CACNA1C: variants seen among roughly 807,000 people sequenced by gnomAD.
CACNA1C encodes voltage-dependent L-type calcium channel subunit alpha-1C.
CACNA1C carries 30 observed loss-of-function variants against 229.0 expected under a neutral mutation model. That is an observed-to-expected ratio of 0.13 (90% confidence interval 0.10 to 0.18). The LOEUF is 0.18. CACNA1C is among the 10% of genes least tolerant of loss of function. The pLI is 1.00. For synonymous variants in CACNA1C, 1,114 were observed against 1,132.5 expected (o/e 0.98, Z 0.33); for missense variants, 1,658 against 2,845.0 (o/e 0.58, Z 9.49).
At chr12:2,173,955 T>G (rs2096570042) in intron 3 of CACNA1C, among the ~76,000 whole-genome samples, 1 of 152,122 alleles carries the variant, frequency 6.6e-6, no homozygotes, top group African/African-American at 2.4e-5. Context: ...TTTAAGGGCC[T>G]GGAATTTAAG....
chr12:2,640,411 C>T (rs955101663), intron 30 of CACNA1C, among the ~76,000 whole-genome samples: 2 of 152,190 alleles, frequency 1.3e-5, no homozygotes, highest in African/African-American at 2.4e-5. Flanking sequence ...TTCTCTGTGT[C>T]GGTTGATGCT....
intron 1 of CACNA1C, among the ~76,000 whole-genome samples, chr12:2,019,248 G>A (rs1195032434): frequency 1.3e-5 from 2 of 152,028 alleles, no homozygotes; most frequent in African/African-American, 4.8e-5. Context: ...GATCATTTGA[G>A]CCCAGAAGTT....
intron 1 of CACNA1C, among the ~76,000 whole-genome samples, chr12:1,995,412 T>G (rs2040563373): frequency 6.6e-6 from 1 of 152,258 alleles, no homozygotes; most frequent in Non-Finnish European, 1.5e-5. Flanking sequence ...GTGCTCATAC[T>G]CTACCCAATA....
intron 9 of CACNA1C, among the ~76,000 whole-genome samples, chr12:2,540,412 C>G (rs1048576243): frequency 2.0e-5 from 3 of 152,152 alleles, no homozygotes; most frequent in African/African-American, 7.2e-5. Context: ...GTCCTGGGAG[C>G]TGCCACAGAT....
In CACNA1C at chr12:2,053,272, C is replaced by G; in HGVS notation, c.-291C>G. The G allele has an allele frequency of 9.0e-7, 1 of 1,114,688 alleles. No individual in the cohort carries two copies. The highest frequency in any genetic ancestry group is 1.6e-5 in the African/African-American group (1 of 61,236). 69.0% of individuals were successfully genotyped at this position (1,114,688 alleles called of 1,614,324 possible). A position where few individuals can be genotyped will look rare whatever the true frequency, so the allele number is the denominator to read the frequency against. On this transcript the variant is annotated 5_prime_UTR_variant, in exon 1 of 47. Coordinates refer to ENST00000399655, the MANE Select transcript of CACNA1C (RefSeq NM_000719.7). This position sits in a 1 kb window ranked among gnomAD's most constrained non-coding sequence, Gnocchi z 5.8. The stretch of plus-strand genomic sequence containing the variant: ...GATTTATTTTTTCAAATGGTGTAGC[C>G]GCCGGAGGTGCGGTGCTCAGTTCTT...
chr12:2,070,771 A>G (rs993088595), intron 1 of CACNA1C, among the ~76,000 whole-genome samples: 7 of 152,182 alleles, frequency 4.6e-5, no homozygotes, highest in African/African-American at 1.4e-4. Context: ...TTCAACTTGA[A>G]GATTCGTATC....
intron 3 of CACNA1C, among the ~76,000 whole-genome samples, chr12:2,128,530 C>A (rs1030278789): frequency 3.3e-5 from 5 of 152,134 alleles, no homozygotes; most frequent in African/African-American, 1.2e-4. Context: ...CCCGTCTCAG[C>A]CTCCCGAGTA....
intron 3 of CACNA1C, among the ~76,000 whole-genome samples, chr12:2,260,943 G>C (rs1046383790): frequency 1.3e-5 from 2 of 152,020 alleles, no homozygotes; most frequent in Non-Finnish European, 2.9e-5. Context: ...TTAAAAAACC[G>C]ATTGTGGCCA....
chr12:2,629,453 C>G (rs750696571), intron 29 of CACNA1C, among the ~76,000 whole-genome samples: 8 of 152,210 alleles, frequency 5.3e-5, no homozygotes, highest in Non-Finnish European at 7.3e-5. Flanking sequence ...AATAAAAGAT[C>G]AGGACACATG....
rs150153039 is a variant in CACNA1C at position 2,486,986 on chromosome 12, T to C, written c.916+724T>C. Among the ~76,000 whole-genome samples, 58 of 152,310 alleles carry C rather than the reference T, an allele frequency of 3.8e-4. No homozygotes were observed. The East Asian group carries it at 8.9e-3, about 23-fold the overall frequency. On this transcript the variant is annotated intron_variant, in intron 6 of 46. Coordinates refer to ENST00000399655, the MANE Select transcript of CACNA1C (RefSeq NM_000719.7). The surrounding 1 kb of genome is among the most constrained non-coding windows in gnomAD (Gnocchi z 4.9). Reference sequence around the variant, plus strand: ...ACAGCAATGCTGGCTCATTAGGCGCTTCCCTGCGTGGCACTGGAGTTTTGG... The same window carrying C: ...ACAGCAATGCTGGCTCATTAGGCGCCTCCCTGCGTGGCACTGGAGTTTTGG...
At chr12:2,559,524 C>T (rs545634673) in intron 11 of CACNA1C, among the ~76,000 whole-genome samples, 1 of 152,370 alleles carries the variant, frequency 6.6e-6, no homozygotes, top group South Asian at 2.1e-4. Flanking sequence ...TCTGGGAAGG[C>T]CTTCTCCTTC....
intron 38 of CACNA1C, among the ~76,000 whole-genome samples, chr12:2,669,927 G>T (rs1390211052): frequency 6.6e-6 from 1 of 152,160 alleles, no homozygotes; most frequent in Non-Finnish European, 1.5e-5. Flanking sequence ...ATAAGAGTTT[G>T]CGAACCACTA....
chr12:2,442,506 A>G (rs933172055), intron 3 of CACNA1C, among the ~76,000 whole-genome samples: 15 of 152,250 alleles, frequency 9.9e-5, no homozygotes, highest in Non-Finnish European at 1.3e-4. Flanking sequence ...GGGCAAGGTC[A>G]TCAGCCTGCC....
At chr12:2,459,169 GTTTTTT>G (rs59909090) in intron 5 of CACNA1C, among the ~76,000 whole-genome samples, 9 of 109,416 alleles carry the variant, frequency 8.2e-5, no homozygotes, top group Admixed American at 3.9e-4. Context: ...TTTTGTGTGT[GTTTTTT>G]TTTTTTTTTT....
At chr12:2,104,714 T>C (rs1314838136) in intron 1 of CACNA1C, among the ~76,000 whole-genome samples, 1 of 152,202 alleles carries the variant, frequency 6.6e-6, no homozygotes, top group Admixed American at 6.5e-5. Context: ...ACTAAAAAAG[T>C]TGAAATGCTG....
chr12:2,515,385 C>G lies in CACNA1C; in HGVS notation c.1390+2401C>G, dbSNP rs115006336. 2.6e-3 allele frequency among the ~76,000 whole-genome samples: 394 copies of G among 152,284 alleles called. 5 individuals are homozygous for G. Among genetic ancestry groups the G allele is most frequent in the African/African-American group, 9.0e-3 (372 of 41,544 alleles). The stretch of plus-strand genomic sequence containing the variant: ...AAAAGGTAAGACAGTGGCTCAGAAA[C>G]TATCTTCCTGTCTTGAGAATTTCAT... On this transcript the variant is annotated intron_variant, in intron 9 of 46. Coordinates refer to ENST00000399655, the MANE Select transcript of CACNA1C (RefSeq NM_000719.7).
chr12:1,999,958 ACTTAT>A (rs1182403289), intron 1 of CACNA1C, among the ~76,000 whole-genome samples: 4 of 152,188 alleles, frequency 2.6e-5, no homozygotes, highest in Admixed American at 6.5e-5. Flanking sequence ...CAGAAACATT[ACTTAT>A]CTTTCTTTGA....
intron 1 of CACNA1C, among the ~76,000 whole-genome samples, chr12:2,105,206 T>C (rs2077739245): frequency 1.3e-5 from 2 of 152,222 alleles, no homozygotes; most frequent in Admixed American, 1.3e-4. Flanking sequence ...TCCCATTGGC[T>C]TGGGCCTCTG....
Position 2,682,657 on chromosome 12 carries a change from C to T in CACNA1C, c.5552C>T (p.Pro1851Leu). 6.2e-7 allele frequency: 1 copy of T among 1,611,404 alleles called. No homozygotes were observed. Among genetic ancestry groups the T allele is most frequent in the South Asian group, 1.1e-5 (1 of 90,868 alleles). The change falls in exon 43 of 47, where the codon CCC becomes CTC. Residue 1851 changes from proline (P) to leucine (L), a missense_variant. By Grantham distance (98) the Pro-to-Leu change is moderately conservative. This residue lies in a region of CACNA1C where 590 missense variants were observed against 700.8 expected (regional missense o/e 0.84). Coordinates refer to ENST00000399655, the MANE Select transcript of CACNA1C (RefSeq NM_000719.7). ...CATGACACGGAGGCCTGCAGTGAGC[C>T]CAGCCTGCTCTCCACAGAGATGTGA... ...MNHDTEACSE[P>L]SLLSTEMLSY...
Sources: gnomAD v4.1 joint callset for allele counts (sites outside exome capture counted in the v4.1 genomes callset) on GRCh38, gnomAD v4.1.1 for gene constraint, gnomAD v4.1.1 regional missense constraint, Gnocchi (gnomAD v3.1) non-coding constraint, MANE v1.5 for transcripts, NCBI Gene and HGNC (gene_info 2026-07-23, HGNC 2026-07-21) for gene names.